NEDD4L: variants seen among roughly 807,000 people sequenced by gnomAD.
The protein encoded by NEDD4L is E3 ubiquitin-protein ligase NEDD4-like.
NEDD4L carries 54 observed loss-of-function variants against 148.9 expected under a neutral mutation model. That is an observed-to-expected ratio of 0.36 (90% CI 0.29 to 0.45). NEDD4L has a LOEUF of 0.45. Among genes scored for constraint, NEDD4L ranks in the 20% least tolerant of loss-of-function variants. The probability of loss-of-function intolerance (pLI) is 1.00; values close to 1 mark genes in which losing one functional copy is unlikely to be tolerated. For missense variants in NEDD4L, 856 were observed against 1,233.8 expected (o/e 0.69, Z 4.59); for synonymous variants, 433 against 440.7 (o/e 0.98, Z 0.22).
chr18:58,072,886 A>G (rs574731322), intron 1 of NEDD4L, among the ~76,000 whole-genome samples: 9 of 137,828 alleles, frequency 6.5e-5, no homozygotes, highest in Admixed American at 5.5e-4. Context: ...ACACACACAC[A>G]CACACACACA....
chr18:58,377,800 G>C lies in NEDD4L; in HGVS notation c.2352+4531G>C, dbSNP rs553562218. 2.0e-4 allele frequency among the ~76,000 whole-genome samples: 30 copies of C among 152,304 alleles called. No homozygotes were observed. In the South Asian group the frequency reaches 6.0e-3, roughly 31 times the overall value. On this transcript the variant is annotated intron_variant, in intron 24 of 30. Transcript: ENST00000400345. The stretch of plus-strand genomic sequence containing the variant: ...GCTCTGTCACCCAGGCTGGAGTGCA[G>C]TGGCAGAATATCGGCTCACTGCAAC...
chr18:58,147,747 C>T (rs2034249359), intron 1 of NEDD4L, among the ~76,000 whole-genome samples: 1 of 152,164 alleles, frequency 6.6e-6, no homozygotes, highest in South Asian at 2.1e-4. Flanking sequence ...AGGTTGATTC[C>T]TGTTGTCTTT....
At chr18:58,045,816 A>G (rs1425812740) in intron 1 of NEDD4L, 1 of 152,236 alleles carries the variant, frequency 6.6e-6, no homozygotes, top group East Asian at 1.9e-4. Flanking sequence ...TGTGCATTTC[A>G]TGAAAAGTTG....
At chr18:58,345,074 T>A (rs2042880169) in intron 16 of NEDD4L, among the ~76,000 whole-genome samples, 1 of 152,270 alleles carries the variant, frequency 6.6e-6, no homozygotes, top group Non-Finnish European at 1.5e-5. Flanking sequence ...ATTTTTACTT[T>A]CCAGTTGCGC....
Position 58,396,419 on chromosome 18 carries a change from C to A in NEDD4L, c.*150C>A. On this transcript the variant is annotated 3_prime_UTR_variant, in exon 31 of 31. Coordinates refer to ENST00000400345, the MANE Select transcript of NEDD4L (RefSeq NM_001144967.3). ...CCTTCACCACGCACTCGTCCAAGTT[C>A]GGATGCGGGAACCTGGTCCCAGCTT... 1.8e-6 allele frequency: 1 copy of A among 564,078 alleles called. No homozygotes were observed. Among genetic ancestry groups the A allele is most frequent in the Non-Finnish European group, 3.2e-6 (1 of 310,442 alleles). The allele number at this position is 564,078 out of a possible 1,614,324, so 34.9% of individuals were successfully genotyped here.
At chr18:58,382,965 G>A (rs1332905490) in intron 24 of NEDD4L, among the ~76,000 whole-genome samples, 1 of 152,116 alleles carries the variant, frequency 6.6e-6, no homozygotes, top group Non-Finnish European at 1.5e-5. Context: ...TAAATGAATA[G>A]CAGAGGAAAA....
intron 23 of NEDD4L, chr18:58,371,825 G>A (rs2046915322): frequency 6.6e-6 from 1 of 152,256 alleles, no homozygotes; most frequent in Non-Finnish European, 1.5e-5. Context: ...TGATGAAGCA[G>A]CTAGGAGCAC....
intron 2 of NEDD4L, chr18:58,195,576 T>G: frequency 1.5e-6 from 2 of 1,340,132 alleles, no homozygotes; most frequent in Non-Finnish European, 2.0e-6. Context: ...GCACGGCACC[T>G]CCCACTCCAG....
chr18:58,195,640 C>T (rs757132785), intron 2 of NEDD4L: 8 of 1,350,928 alleles, frequency 5.9e-6, no homozygotes, highest in Non-Finnish European at 7.8e-6. Flanking sequence ...TCCTCGCCGC[C>T]GTTGCTGTTG....
chr18:58,304,691 A>G (rs1168161067), intron 5 of NEDD4L, among the ~76,000 whole-genome samples: 1 of 152,164 alleles, frequency 6.6e-6, no homozygotes, highest in Non-Finnish European at 1.5e-5. Flanking sequence ...TAAACTAGCC[A>G]TCTATATGTC....
At chr18:58,156,063 A>C (rs1294773875) in intron 1 of NEDD4L, among the ~76,000 whole-genome samples, 1 of 152,122 alleles carries the variant, frequency 6.6e-6, no homozygotes, top group Non-Finnish European at 1.5e-5. Flanking sequence ...TTTTGGGTGC[A>C]CTTTTGTGGA....
At chr18:58,066,387 G>GGTTTTT (rs1434270558) in intron 1 of NEDD4L, among the ~76,000 whole-genome samples, 1 of 112,106 alleles carries the variant, frequency 8.9e-6, no homozygotes, top group Non-Finnish European at 1.8e-5. Context: ...CTCTGTATTA[G>GGTTTTT]TTTTTTTTTT....
intron 2 of NEDD4L, among the ~76,000 whole-genome samples, chr18:58,189,236 A>G (rs1296599148): frequency 6.6e-6 from 1 of 152,106 alleles, no homozygotes; most frequent in Non-Finnish European, 1.5e-5. Flanking sequence ...CAGCAACAGG[A>G]TCTTTTGTCT....
intron 1 of NEDD4L, chr18:58,091,593 TAC>T (rs1484354811): frequency 1.3e-5 from 2 of 152,250 alleles, no homozygotes; most frequent in Non-Finnish European, 2.9e-5. Context: ...TACATGGACT[TAC>T]TCATTTCATT....
Position 58,357,039 on chromosome 18 carries a change from G to T in NEDD4L, c.1709-155G>T, listed in dbSNP as rs1029961159. On this transcript the variant is annotated intron_variant, in intron 18 of 30. Transcript: ENST00000400345. ...GTTGCCATATAGACTGTAGTTACCT[G>T]CTAACTCTGAAATACTAATTTGTCT... Among the ~76,000 whole-genome samples the T allele has an allele frequency of 5.3e-5, 8 of 152,244 alleles. 1 individual carries two copies. The East Asian group carries it at 7.7e-4, about 15-fold the overall frequency.
chr18:58,367,706 G>A, intron 21 of NEDD4L, 40 bp from the exon 22 acceptor site: 1 of 1,611,170 alleles, frequency 6.2e-7, no homozygotes, highest in Non-Finnish European at 8.5e-7. Flanking sequence ...TCTTGCATTT[G>A]AAAGTGTGAT....
chr18:58,233,807 G>T (rs2045550833), intron 2 of NEDD4L, among the ~76,000 whole-genome samples: 1 of 152,196 alleles, frequency 6.6e-6, no homozygotes, highest in African/African-American at 2.4e-5. Context: ...TTAAGAGTCA[G>T]CAGGATTCTG....
intron 2 of NEDD4L, among the ~76,000 whole-genome samples, chr18:58,179,585 G>C (rs193260278): frequency 1.1e-3 from 175 of 152,212 alleles, no homozygotes; most frequent in Non-Finnish European, 1.6e-3. Context: ...CCCATCATTC[G>C]CATTGCTGCC....
intron 2 of NEDD4L, among the ~76,000 whole-genome samples, chr18:58,212,938 C>A (rs1025309462): frequency 2.2e-5 from 3 of 137,184 alleles, no homozygotes; most frequent in Admixed American, 7.2e-5. Context: ...ATATAGAATA[C>A]ACAGATAACA....
Sources: gnomAD v4.1 joint callset for allele counts (sites outside exome capture counted in the v4.1 genomes callset) on GRCh38, gnomAD v4.1.1 for gene constraint, MANE v1.5 for transcripts, NCBI Gene and HGNC (gene_info 2026-07-23, HGNC 2026-07-21) for gene names.